DMBT1: variants seen among roughly 807,000 people sequenced by gnomAD.
DMBT1 encodes the protein deleted in malignant brain tumors 1, also known as scavenger receptor cysteine-rich domain-containing protein DMBT1.
Under a neutral mutation model 252.9 loss-of-function variants are expected in DMBT1, and 198 were observed. The ratio of observed to expected loss-of-function variants is 0.78; its 90% CI spans 0.70 to 0.88. The LOEUF (loss-of-function observed/expected upper bound fraction) is 0.88, where lower values mean the gene tolerates loss of function less well. Ranked by LOEUF, DMBT1 falls within the 40% of genes least tolerant of loss-of-function variation. The pLI is 0.00. For missense variants in DMBT1, 2,432 were observed against 2,404.7 expected (o/e 1.01, Z -0.24); for synonymous variants, 990 against 942.7 (o/e 1.05, Z -0.92).
chr10:122,570,341 C>T, intron 3 of DMBT1, 132 bp downstream of exon 3: 1 of 814,788 alleles, frequency 1.2e-6, no homozygotes, highest in Non-Finnish European at 2.1e-6. Context: ...CTGACTGAAC[C>T]CAGGCTACAA....
intron 55 of DMBT1, among the ~76,000 whole-genome samples, chr10:122,642,384 C>G (rs1844723343): frequency 6.6e-6 from 1 of 152,184 alleles, no homozygotes; most frequent in Admixed American, 6.5e-5. Context: ...TGGCTTTTCT[C>G]TTTGCCATGC....
At chr10:122,622,720 T>C (rs879263290) in intron 44 of DMBT1, among the ~76,000 whole-genome samples, 3 of 152,222 alleles carry the variant, frequency 2.0e-5, no homozygotes, top group Admixed American at 6.5e-5. Context: ...GCCAGAGTTC[T>C]ATACCCATCT....
chr10:122,620,377 G>A, intron 43 of DMBT1, 86 bp downstream of exon 43: 2 of 1,502,248 alleles, frequency 1.3e-6, no homozygotes, highest in Non-Finnish European at 1.8e-6. Context: ...TGAGGCTCAA[G>A]CTGGCGCCTC....
intron 2 of DMBT1, among the ~76,000 whole-genome samples, chr10:122,569,272 G>A (rs1453239258): frequency 2.0e-5 from 3 of 152,156 alleles, no homozygotes; most frequent in Non-Finnish European, 2.9e-5. Flanking sequence ...AAAAGCTGAC[G>A]AGGATGGAGG....
rs908265696 is a variant in DMBT1, at chr10:122,598,892, T to C, written c.3075T>C (p.Asn1025=). The C allele has an allele frequency of 6.2e-7, 1 of 1,613,852 alleles. No homozygotes were observed. Among genetic ancestry groups the C allele is most frequent in the Non-Finnish European group, 8.5e-7 (1 of 1,179,780 alleles). Residue 1025 remains asparagine, a synonymous_variant, in exon 26 of 56, where the codon AAT becomes AAC. Coordinates refer to ENST00000338354, the MANE Select transcript of DMBT1 (RefSeq NM_001377530.1). ...TGTGCGATGACAGCTGGGACACCAA[T>C]GATGCCAATGTCGTCTGCAGGCAAC... ...GTVCDDSWDT[N]DANVVCRQLG...
intron 44 of DMBT1, among the ~76,000 whole-genome samples, chr10:122,622,251 G>T (rs1212735640): frequency 6.6e-6 from 1 of 152,182 alleles, no homozygotes; most frequent in Non-Finnish European, 1.5e-5. Context: ...CCTGGGTCTT[G>T]CTTGAAGCCT....
intron 27 of DMBT1, among the ~76,000 whole-genome samples, chr10:122,600,476 C>T (rs945661062): frequency 2.0e-5 from 3 of 152,196 alleles, no homozygotes; most frequent in Non-Finnish European, 4.4e-5. Flanking sequence ...AGGGCAGGCT[C>T]GATACCCCCA....
intron 7 of DMBT1, 146 bp from the exon 8 acceptor site, chr10:122,577,665 C>A (rs2097724754): frequency 3.7e-6 from 3 of 816,364 alleles, no homozygotes; most frequent in African/African-American, 1.7e-5. Flanking sequence ...GGACCGAGGG[C>A]TTCACGGTGG....
At chr10:122,642,687 A>C (rs1844782383) in intron 55 of DMBT1, among the ~76,000 whole-genome samples, 1 of 152,118 alleles carries the variant, frequency 6.6e-6, no homozygotes, top group South Asian at 2.1e-4. Flanking sequence ...CAGCCGAATG[A>C]GACCTTGCCT....
At position 122,621,322 on chromosome 10, in the gene DMBT1, C is replaced by G. The variant is rs1382686650; in HGVS notation, c.5550C>G (p.His1850Gln). ...GNESYLWSCP[H>Q]KGWLTHNCGH... ...AGTCCTACCTGTGGAGCTGCCCCCACAAAGGCTGGCTCACCCACAACTGTG... is the reference window on the plus strand; with the variant it reads ...AGTCCTACCTGTGGAGCTGCCCCCAGAAAGGCTGGCTCACCCACAACTGTG... The change falls in exon 44 of 56, where the codon CAC becomes CAG. Residue 1850 changes from histidine to glutamine, a missense_variant. Transcript: ENST00000338354. 6.2e-7 allele frequency: 1 copy of G among 1,613,742 alleles called. No homozygotes were observed. The highest frequency in any genetic ancestry group is 1.3e-5 in the African/African-American group (1 of 74,928).
At chr10:122,600,429 T>C (rs2097937470) in intron 27 of DMBT1, among the ~76,000 whole-genome samples, 1 of 152,232 alleles carries the variant, frequency 6.6e-6, no homozygotes, top group Non-Finnish European at 1.5e-5. Flanking sequence ...TTCTGAAAAT[T>C]GTGAGTGTCA....
In DMBT1 at chr10:122,590,653, T is replaced by C. The variant is rs2097842512; in HGVS notation, c.2108-12T>C. The C allele has an allele frequency of 6.3e-7, 1 of 1,587,758 alleles. No individual in the cohort carries two copies. The highest frequency in any genetic ancestry group is 1.3e-5 in the African/African-American group (1 of 74,470). ...GTATAGTGCATCTGATCTGACCTCCTCTTTCTCACAGCTGCCCAGTCCCGG... is the reference window on the plus strand; with the variant it reads ...GTATAGTGCATCTGATCTGACCTCCCCTTTCTCACAGCTGCCCAGTCCCGG... On this transcript the variant is annotated splice_polypyrimidine_tract_variant and intron_variant, in intron 17 of 55. Transcript: ENST00000338354.
At chr10:122,625,046 G>T (rs1050952698) in intron 44 of DMBT1, among the ~76,000 whole-genome samples, 6 of 152,196 alleles carry the variant, frequency 3.9e-5, no homozygotes, top group Admixed American at 2.0e-4. Context: ...TCTTTCTTAT[G>T]TAGGTTCCTA....
intron 24 of DMBT1, among the ~76,000 whole-genome samples, chr10:122,597,525 A>G (rs1053751269): frequency 2.6e-5 from 4 of 152,200 alleles, no homozygotes; most frequent in Non-Finnish European, 5.9e-5. Flanking sequence ...GCAGGGCTAC[A>G]TGTGCATCCA....
rs1256637571 is a variant in DMBT1 at position 122,635,284 on chromosome 10, A to G, written c.6549-707A>G. On this transcript the variant is annotated intron_variant, in intron 52 of 55. Coordinates refer to ENST00000338354, the MANE Select transcript of DMBT1 (RefSeq NM_001377530.1). ...TATTTGACTTGCCCAGTATTTATTT[A>G]TTCAATTATTTATTTCTCTCACTAT... is the stretch of plus-strand genomic sequence containing the variant. 2.0e-5 allele frequency among the ~76,000 whole-genome samples: 3 copies of G among 152,194 alleles called. No homozygotes were observed. In the South Asian group the frequency reaches 6.2e-4, roughly 32 times the overall value.
rs1844943096 is a variant in DMBT1 at position 122,643,462 on chromosome 10, T to C, written c.*64T>C. ...ACCCCTGACTCGGGGACTTGGGATGTTCCTCTTGGTGTCATATTCCAACTC... is the reference window on the plus strand; with the variant it reads ...ACCCCTGACTCGGGGACTTGGGATGCTCCTCTTGGTGTCATATTCCAACTC... On this transcript the variant is annotated 3_prime_UTR_variant, in exon 56 of 56. Transcript: ENST00000338354. The C allele has an allele frequency of 1.3e-6, 2 of 1,531,850 alleles. No individual in the cohort carries two copies. Among genetic ancestry groups the C allele is most frequent in the African/African-American group, 2.7e-5 (2 of 72,740 alleles). The allele number at this position is 1,531,850 out of a possible 1,614,324, so 94.9% of individuals were successfully genotyped here.
chr10:122,629,046 A>T (rs2098138722), intron 46 of DMBT1, among the ~76,000 whole-genome samples: 1 of 152,256 alleles, frequency 6.6e-6, no homozygotes, highest in Non-Finnish European at 1.5e-5. Flanking sequence ...AGTTTTTATT[A>T]CTATAAACCA....
chr10:122,598,916 A>C lies in DMBT1; in HGVS notation c.3099A>C (p.Gln1033His), dbSNP rs552141049. The change falls in exon 26 of 56, where the codon CAA becomes CAC. Residue 1033 changes from glutamine (Q) to histidine (H), a missense_variant. Around this residue, in one of 3 missense-constraint regions of DMBT1, gnomAD observed 1,264 missense variants for 1,082.2 expected, o/e 1.17. Coordinates refer to ENST00000338354, the MANE Select transcript of DMBT1 (RefSeq NM_001377530.1). ...ATGATGCCAATGTCGTCTGCAGGCA[A>C]CTGGGCTGTGGCTGGGCCATGTCAG... is the stretch of plus-strand genomic sequence containing the variant. ...DTNDANVVCR[Q>H]LGCGWAMSAP... 3 of 1,613,822 alleles carry C rather than the reference A, an allele frequency of 1.9e-6. No individual in the cohort carries two copies. Among genetic ancestry groups the C allele is most frequent in the Admixed American group, 3.3e-5 (2 of 60,016 alleles).
chr10:122,580,163 G>A (rs187233667), intron 10 of DMBT1, among the ~76,000 whole-genome samples: 3 of 152,000 alleles, frequency 2.0e-5, no homozygotes, highest in East Asian at 1.9e-4. Context: ...GAAAAGTGCC[G>A]GCTCCCCAGG....
Sources: gnomAD v4.1 joint callset for allele counts (sites outside exome capture counted in the v4.1 genomes callset) on GRCh38, gnomAD v4.1.1 for gene constraint, gnomAD v4.1.1 regional missense constraint, MANE v1.5 for transcripts, NCBI Gene and HGNC (gene_info 2026-07-23, HGNC 2026-07-21) for gene names.